VPS13A: variants seen among roughly 807,000 people sequenced by gnomAD.
VPS13A encodes the protein intermembrane lipid transfer protein VPS13A.
In VPS13A, 264 loss-of-function variants were observed where a neutral mutation model predicts 390.9. The observed-to-expected ratio is 0.68, with a 90% CI of 0.61 to 0.75. The LOEUF is 0.75. Ranked by LOEUF, VPS13A falls within the 30% of genes least tolerant of loss-of-function variation. The pLI is 0.00. For missense variants in VPS13A, 3,409 were observed against 3,733.9 expected (o/e 0.91, Z 2.27); for synonymous variants, 1,231 against 1,227.1 (o/e 1.00, Z -0.07).
At chr9:77,179,694 T>G (rs1191981490) in intron 1 of VPS13A, among the ~76,000 whole-genome samples, 1 of 152,096 alleles carries the variant, frequency 6.6e-6, no homozygotes. Context: ...TACGTTTTTT[T>G]TTTTTTTTTG....
At chr9:77,278,605 G>A (rs139402666) in intron 26 of VPS13A, among the ~76,000 whole-genome samples, 2 of 152,104 alleles carry the variant, frequency 1.3e-5, no homozygotes, top group Non-Finnish European at 2.9e-5. Flanking sequence ...CTTTTTTAAG[G>A]CTTCAAGTGT....
At position 77,252,317 on chromosome 9, in the gene VPS13A, T is replaced by G. The variant is rs937699726; in HGVS notation, c.2253T>G (p.Ser751=). The change falls in exon 22 of 72, where the codon TCT becomes TCG. Residue 751 remains serine, a synonymous_variant. Coordinates refer to ENST00000360280, the MANE Select transcript of VPS13A (RefSeq NM_033305.3). Reference sequence around the variant, plus strand: ...CCATGCACTTCAATTTGGAACTGTCTAAGGCCATGGTTTTCATGGATGTAA... The same window carrying G: ...CCATGCACTTCAATTTGGAACTGTCGAAGGCCATGGTTTTCATGGATGTAA... ...LVPMHFNLEL[S]KAMVFMDVRM... is the part of the protein sequence containing the mutation. 1.9e-6 allele frequency: 3 copies of G among 1,614,012 alleles called. No homozygotes were observed. Among genetic ancestry groups the G allele is most frequent in the African/African-American group, 2.7e-5 (2 of 75,050 alleles).
chr9:77,399,358 G>A (rs1834276205), intron 68 of VPS13A, among the ~76,000 whole-genome samples: 1 of 152,114 alleles, frequency 6.6e-6, no homozygotes, highest in Non-Finnish European at 1.5e-5. Context: ...ACCAGATGCT[G>A]TTGTGACTGT....
At chr9:77,197,799 T>C (rs1459852522) in intron 1 of VPS13A, among the ~76,000 whole-genome samples, 2 of 152,218 alleles carry the variant, frequency 1.3e-5, no homozygotes, top group Non-Finnish European at 2.9e-5. Context: ...ACAAAGCTTG[T>C]GTACCTTCAA....
chr9:77,370,783 T>C, intron 65 of VPS13A, 107 bp from the exon 66 acceptor site: 1 of 1,486,110 alleles, frequency 6.7e-7, no homozygotes, highest in South Asian at 1.2e-5. Context: ...TGTTAATTCT[T>C]ATGCTATATA....
At chr9:77,375,879 A>G (rs1188086758) in intron 67 of VPS13A, among the ~76,000 whole-genome samples, 1 of 152,240 alleles carries the variant, frequency 6.6e-6, no homozygotes, top group South Asian at 2.1e-4. Flanking sequence ...TCCTGTGTTC[A>G]TACAGCTTAC....
intron 46 of VPS13A, among the ~76,000 whole-genome samples, chr9:77,335,664 C>T (rs1210149292): frequency 1.3e-5 from 2 of 152,180 alleles, no homozygotes; most frequent in African/African-American, 2.4e-5. Context: ...TACCATCTCA[C>T]GCCAGTTAGA....
At chr9:77,350,710 C>G (rs1030262480) in intron 52 of VPS13A, among the ~76,000 whole-genome samples, 4 of 152,018 alleles carry the variant, frequency 2.6e-5, no homozygotes, top group Admixed American at 2.0e-4. Context: ...TATTTTCTTA[C>G]AAAGATATGT....
At position 77,406,077 on chromosome 9, in the gene VPS13A, T is replaced by C. The variant is rs1834590992; in HGVS notation, c.9399+90T>C. 1.5e-5 allele frequency: 23 copies of C among 1,527,882 alleles called. No homozygotes were observed. In the Admixed American group the frequency reaches 1.7e-4, roughly 11 times the overall value. The allele number at this position is 1,527,882 out of a possible 1,614,324, so 94.6% of individuals were successfully genotyped here. A position where few individuals can be genotyped will look rare whatever the true frequency, so the allele number is the denominator to read the frequency against. ...TTTATTTGTATAATGCTCTACCTCT[T>C]TTATAGATGTCACTTTGTCCTGGTG... On this transcript the variant is annotated intron_variant, in intron 70 of 71. Coordinates refer to ENST00000360280, the MANE Select transcript of VPS13A (RefSeq NM_033305.3).
chr9:77,313,798 T>C (rs748764162), intron 35 of VPS13A, among the ~76,000 whole-genome samples, 194 bp from the exon 36 acceptor site: 3 of 152,168 alleles, frequency 2.0e-5, no homozygotes, highest in Non-Finnish European at 4.4e-5. Flanking sequence ...TCAATTAATA[T>C]TCCCAAATTA....
At chr9:77,206,118 T>C (rs1825626084) in intron 5 of VPS13A, 39 bp downstream of exon 5, 1 of 1,298,126 alleles carries the variant, frequency 7.7e-7, no homozygotes, top group Admixed American at 2.0e-5. Flanking sequence ...ATAAGAGAAG[T>C]AGAAAAGACC....
At position 77,221,210 on chromosome 9, in the gene VPS13A, C is replaced by G. The variant is rs889014097; in HGVS notation, c.1015C>G (p.Leu339Val). ...EWWAYAIHGV[L>V]EVNVCPRLWM... ...GTGGGCTTATGCTATACATGGCGTT[C>G]TTGAAGTAAATGTTTGCCCCAGGTT... is the stretch of plus-strand genomic sequence containing the variant. The change falls in exon 13 of 72, where the codon CTT becomes GTT. Residue 339 changes from leucine to valine, a missense_variant. Coordinates refer to ENST00000360280, the MANE Select transcript of VPS13A (RefSeq NM_033305.3). 6.2e-7 allele frequency: 1 copy of G among 1,613,168 alleles called. No individual in the cohort carries two copies. Among genetic ancestry groups the G allele is most frequent in the South Asian group, 1.1e-5 (1 of 91,064 alleles).
intron 22 of VPS13A, among the ~76,000 whole-genome samples, chr9:77,254,142 A>G (rs1587426784): frequency 6.6e-6 from 1 of 151,596 alleles, no homozygotes; most frequent in Non-Finnish European, 1.5e-5. Flanking sequence ...ATGGGGTTTC[A>G]CCGTGCCAGC....
chr9:77,214,193 A>T (rs1255418861), intron 9 of VPS13A, 136 bp from the exon 10 acceptor site: 1 of 715,042 alleles, frequency 1.4e-6, no homozygotes. Flanking sequence ...GGAGAATCGC[A>T]TGAGTCCATG....
chr9:77,299,368 A>G (rs1357108702), intron 33 of VPS13A, among the ~76,000 whole-genome samples: 2 of 152,212 alleles, frequency 1.3e-5, no homozygotes. Flanking sequence ...CATTTACCAC[A>G]GTGAGATACC....
chr9:77,368,187 ACCTT>A (rs1365350440), intron 62 of VPS13A, 51 bp downstream of exon 62: 1 of 1,450,694 alleles, frequency 6.9e-7, no homozygotes, highest in Admixed American at 1.8e-5. Flanking sequence ...GACTGGTAAA[ACCTT>A]TTGTGTCTAT....
At chr9:77,204,494 CATAT>C (rs1226581925) in intron 3 of VPS13A, among the ~76,000 whole-genome samples, 4 of 151,912 alleles carry the variant, frequency 2.6e-5, no homozygotes, top group Admixed American at 6.6e-5. Flanking sequence ...GTGTAGTTTT[CATAT>C]ATATAGTTTA....
At position 77,281,739 on chromosome 9, in the gene VPS13A, GTA is replaced by G. The variant is rs111517856; in HGVS notation, c.2905-110_2905-109del. 0.21 allele frequency: 95,779 copies of G among 454,034 alleles called. 2,695 individuals are homozygous for G. Among genetic ancestry groups the G allele is most frequent in the South Asian group, 0.26 (8,371 of 31,776 alleles). The allele number at this position is 454,034 out of a possible 1,614,324, so 28.1% of individuals were successfully genotyped here. A position where few individuals can be genotyped will look rare whatever the true frequency, so the allele number is the denominator to read the frequency against. The stretch of plus-strand genomic sequence containing the variant: ...GGTAATTATATGTGTGTGTATATGT[GTA>G]TATATATATATATATATGTATATGA... On this transcript the variant is annotated intron_variant, in intron 27 of 71. Coordinates refer to ENST00000360280, the MANE Select transcript of VPS13A (RefSeq NM_033305.3).
chr9:77,366,167 T>C (rs1004097872), intron 60 of VPS13A, among the ~76,000 whole-genome samples: 7 of 152,114 alleles, frequency 4.6e-5, no homozygotes, highest in Non-Finnish European at 7.4e-5. Flanking sequence ...CAGAAATGCA[T>C]TGAATACACC....
Sources: allele counts gnomAD v4.1 joint callset (sites outside exome capture counted in the v4.1 genomes callset), GRCh38; gene constraint gnomAD v4.1.1; transcripts MANE v1.5; gene names NCBI Gene and HGNC (gene_info 2026-07-23, HGNC 2026-07-21).